Variants in SLC1A4 observed in about 807,000 individuals in gnomAD.
SLC1A4 encodes solute carrier family 1 member 4, also known as neutral amino acid transporter A.
A neutral mutation model predicts 37.7 loss-of-function variants in SLC1A4; 19 were observed. The observed-to-expected ratio is 0.50, with a 90% CI of 0.35 to 0.74. SLC1A4 has a LOEUF of 0.74. SLC1A4 is among the 30% of genes least tolerant of loss of function. The probability of loss-of-function intolerance (pLI) is 0.01; values close to 1 mark genes in which losing one functional copy is unlikely to be tolerated. For missense variants in SLC1A4, 570 were observed against 712.9 expected (o/e 0.80, Z 2.28); for synonymous variants, 299 against 309.8 (o/e 0.97, Z 0.37).
intron 5 of SLC1A4, among the ~76,000 whole-genome samples, chr2:65,017,200 A>C (rs181949397): frequency 1.3e-5 from 2 of 152,208 alleles, no homozygotes; most frequent in East Asian, 3.9e-4. Flanking sequence ...GTTCCTGCCC[A>C]ATTCTCCCTT....
At chr2:64,994,431 G>T (rs556481536) in intron 1 of SLC1A4, among the ~76,000 whole-genome samples, 1 of 152,394 alleles carries the variant, frequency 6.6e-6, no homozygotes, top group South Asian at 2.1e-4. Flanking sequence ...GTCTGTGCTG[G>T]CAGCCAGAAG....
At chr2:64,989,296 C>A (rs952926403), upstream of SLC1A4, 4 of 186,954 alleles carry the variant, frequency 2.1e-5, no homozygotes, top group Non-Finnish European at 4.4e-5. Context: ...TTGGCCAGCG[C>A]CACAGGGGGC....
In SLC1A4 at chr2:65,023,690, C is replaced by A. The variant is rs1035517997; in HGVS notation, c.*2544C>A. 1 of 152,614 alleles carries A rather than the reference C, an allele frequency of 6.6e-6. No homozygotes were observed. The highest frequency in any genetic ancestry group is 1.5e-5 in the Non-Finnish European group (1 of 68,042). The allele number at this position is 152,614 out of a possible 1,614,324, so 9.5% of individuals were successfully genotyped here. A position where few individuals can be genotyped will look rare whatever the true frequency, so the allele number is the denominator to read the frequency against. On this transcript the variant is annotated 3_prime_UTR_variant, in exon 8 of 8. Coordinates refer to ENST00000234256, the MANE Select transcript of SLC1A4 (RefSeq NM_003038.5). ...CACAGAGTCGGTAGACCAGGGGTTA[C>A]GTGACTGGGGAAAATCTCACATCTC...
rs70937394 is a variant in SLC1A4 at position 65,002,570 on chromosome 2, C to CTTT, written c.570+1103_570+1105dup. 9.9e-3 allele frequency among the ~76,000 whole-genome samples: 586 copies of CTTT among 59,042 alleles called. 17 individuals are homozygous for CTTT. Among genetic ancestry groups the CTTT allele is most frequent in the Middle Eastern group, 0.016 (1 of 64 alleles). The allele number at this position is 59,042 out of a possible 152,430, so 38.7% of individuals were successfully genotyped here. On this transcript the variant is annotated intron_variant, in intron 2 of 7. Transcript: ENST00000234256. ...TGCAAGTAACAGTCCTGTGACCATT[C>CTTT]TTTTTTTTTTTTTTTTTTTTTTTTT...
chr2:65,009,000 A>G (rs937020829), intron 3 of SLC1A4, among the ~76,000 whole-genome samples: 2 of 152,356 alleles, frequency 1.3e-5, no homozygotes, highest in African/African-American at 2.4e-5. Flanking sequence ...CTGCTCCTCT[A>G]TAAGTGATAT....
At chr2:65,019,044 T>C (rs1200262594) in intron 7 of SLC1A4, among the ~76,000 whole-genome samples, 5 of 152,160 alleles carry the variant, frequency 3.3e-5, no homozygotes, top group Admixed American at 1.3e-4. Flanking sequence ...TTGGGAATGA[T>C]TGTCCCTGGC....
intron 4 of SLC1A4, among the ~76,000 whole-genome samples, chr2:65,015,587 T>G (rs1674092048): frequency 6.6e-6 from 1 of 152,160 alleles, no homozygotes; most frequent in African/African-American, 2.4e-5. Flanking sequence ...TATCGGGTTT[T>G]TAATTAATAA....
intron 1 of SLC1A4, among the ~76,000 whole-genome samples, chr2:64,997,511 A>G (rs1270561021): frequency 6.6e-6 from 1 of 152,154 alleles, no homozygotes; most frequent in Non-Finnish European, 1.5e-5. Flanking sequence ...CCTGCTTTTT[A>G]TCACTATAAA....
rs1222863958 is a variant in SLC1A4 at position 65,021,290 on chromosome 2, C to A, written c.*144C>A. On this transcript the variant is annotated 3_prime_UTR_variant, in exon 8 of 8. Coordinates refer to ENST00000234256, the MANE Select transcript of SLC1A4 (RefSeq NM_003038.5). ...GCCCAGTCGCTGGCCTGAGGCTTAC[C>A]TCTCGGCACTGGCATTGGGCTCCCC... is the stretch of plus-strand genomic sequence containing the variant. 1.5e-6 allele frequency: 1 copy of A among 649,432 alleles called. No homozygotes were observed. The highest frequency in any genetic ancestry group is 2.9e-5 in the Admixed American group (1 of 34,138). 40.2% of individuals were successfully genotyped at this position (649,432 alleles called of 1,614,324 possible).
chr2:64,991,948 G>T (rs555281708), intron 1 of SLC1A4, among the ~76,000 whole-genome samples: 1 of 152,264 alleles, frequency 6.6e-6, no homozygotes, highest in Non-Finnish European at 1.5e-5. Flanking sequence ...TCACTATGCT[G>T]CCCAGGCTGG....
intron 1 of SLC1A4, among the ~76,000 whole-genome samples, chr2:64,999,192 A>G (rs1207431455): frequency 6.6e-6 from 1 of 152,258 alleles, no homozygotes; most frequent in Non-Finnish European, 1.5e-5. Context: ...TACTTTTTAA[A>G]AAGTAAATAT....
chr2:65,000,515 T>C (rs1377345508), intron 1 of SLC1A4: 1 of 152,234 alleles, frequency 6.6e-6, no homozygotes, highest in Non-Finnish European at 1.5e-5. Context: ...ATGAAATAGT[T>C]ATAAATGCAG....
At chr2:65,016,235 G>C (rs560587395) in intron 4 of SLC1A4, among the ~76,000 whole-genome samples, 2 of 152,312 alleles carry the variant, frequency 1.3e-5, no homozygotes, top group Admixed American at 6.5e-5. Context: ...GTTACCCTTG[G>C]TGAGTGGTCA....
At position 65,021,255 on chromosome 2, in the gene SLC1A4, C is replaced by T. The variant is rs1469755769; in HGVS notation, c.*109C>T. 3 of 861,568 alleles carry T rather than the reference C, an allele frequency of 3.5e-6. No homozygotes were observed. Among genetic ancestry groups the T allele is most frequent in the Non-Finnish European group, 5.4e-6 (3 of 550,840 alleles). 53.4% of individuals were successfully genotyped at this position (861,568 alleles called of 1,614,324 possible). The stretch of plus-strand genomic sequence containing the variant: ...CCTTGCCAACTTTTACCCTCCCAAG[C>T]AATGCTTTGGCCCAGTCGCTGGCCT... On this transcript the variant is annotated 3_prime_UTR_variant, in exon 8 of 8. Coordinates refer to ENST00000234256, the MANE Select transcript of SLC1A4 (RefSeq NM_003038.5).
At chr2:65,001,406 T>G in intron 1 of SLC1A4, 42 bp from the exon 2 acceptor site, 1 of 1,596,774 alleles carries the variant, frequency 6.3e-7, no homozygotes, top group Non-Finnish European at 8.6e-7. Context: ...TCTAAAAAAT[T>G]GTTTTAAAAG....
chr2:65,014,772 G>A (rs1674059811), intron 4 of SLC1A4, among the ~76,000 whole-genome samples: 1 of 152,214 alleles, frequency 6.6e-6, no homozygotes, highest in South Asian at 2.1e-4. Flanking sequence ...GAGAACAAAG[G>A]CATGTGGTTA....
At chr2:64,989,044 G>C (rs1294637266), upstream of SLC1A4, among the ~76,000 whole-genome samples, 1 of 152,150 alleles carries the variant, frequency 6.6e-6, no homozygotes, top group Non-Finnish European at 1.5e-5. Context: ...GCGGGAGAGG[G>C]CCCGGCAGGT....
chr2:64,994,539 G>T (rs749529683), intron 1 of SLC1A4, among the ~76,000 whole-genome samples: 2 of 152,152 alleles, frequency 1.3e-5, no homozygotes, highest in South Asian at 2.1e-4. Flanking sequence ...GTTTTCTAGG[G>T]TTTTTTTCAC....
chr2:64,993,906 T>C (rs1448114923), intron 1 of SLC1A4, among the ~76,000 whole-genome samples: 1 of 152,202 alleles, frequency 6.6e-6, no homozygotes, highest in African/African-American at 2.4e-5. Flanking sequence ...CCTGTGCTCT[T>C]GTTATAAATA....
Sources: allele counts gnomAD v4.1 joint callset (sites outside exome capture counted in the v4.1 genomes callset), GRCh38; gene constraint gnomAD v4.1.1; transcripts MANE v1.5; gene names NCBI Gene and HGNC (gene_info 2026-07-23, HGNC 2026-07-21).